The following PCDH11Y variants were observed in gnomAD, a reference collection of about 807,000 sequenced individuals.
PCDH11Y encodes the protein protocadherin-11 Y-linked.
For missense variants in PCDH11Y, 12 were observed against 224.8 expected (o/e 0.05, Z 6.05); for synonymous variants, 9 against 83.6 (o/e 0.11, Z 4.87).
intron 2 of PCDH11Y, among the ~76,000 whole-genome samples, chrY:5,386,001 G>A: frequency 3.0e-5 from 1 of 33,480 alleles, no homozygotes. Flanking sequence ...TCCAGGATGT[G>A]TTTCAAACTT....
At chrY:5,025,295 T>C (rs2124620495) in intron 1 of PCDH11Y, among the ~76,000 whole-genome samples, 1 of 33,262 alleles carries the variant, frequency 3.0e-5, no homozygotes, top group South Asian at 6.5e-4. Flanking sequence ...AACATGGATC[T>C]GTATTTCCTT....
At chrY:5,459,730 G>T in intron 2 of PCDH11Y, among the ~76,000 whole-genome samples, 1 of 32,977 alleles carries the variant, frequency 3.0e-5, no homozygotes. Flanking sequence ...TTTTTAATTT[G>T]TATTTGTTTT....
In PCDH11Y at chrY:5,717,126, C is replaced by T; in HGVS notation, c.3353-20146C>T. ...AAATCTAAGACCTCAAACTGTGAAA[C>T]CATTAAAAGAAAAGTATTAAAAGGA... On this transcript the variant is annotated intron_variant, in intron 4 of 4. Transcript: ENST00000400457. Among the ~76,000 whole-genome samples, 4 of 33,107 alleles carry T rather than the reference C, an allele frequency of 1.2e-4. No individual in the cohort carries two copies. The South Asian group carries it at 2.7e-3, about 22-fold the overall frequency. The allele number at this position is 33,107 out of a possible 37,273, so 88.8% of individuals were successfully genotyped here. A position where few individuals can be genotyped will look rare whatever the true frequency, so the allele number is the denominator to read the frequency against.
rs1602946584 is a variant in PCDH11Y at position 5,585,060 on chromosome Y, G to A, written c.3352+3262G>A. On this transcript the variant is annotated intron_variant, in intron 4 of 4. Transcript: ENST00000400457. ...TGCTGCAGTGAACATATGCATGCAT[G>A]TGTCTTTATAATAGAATGATTAATA... Among the ~76,000 whole-genome samples, 185 of 32,338 alleles carry A rather than the reference G, an allele frequency of 5.7e-3. No homozygotes were observed. The Middle Eastern group carries it at 0.21, about 36-fold the overall frequency. 86.8% of individuals were successfully genotyped at this position (32,338 alleles called of 37,273 possible).
intron 3 of PCDH11Y, among the ~76,000 whole-genome samples, chrY:5,038,184 G>A: frequency 3.0e-5 from 1 of 32,858 alleles, no homozygotes; most frequent in Admixed American, 2.8e-4. Context: ...TGGATTAAGA[G>A]TGAAAGGGTA....
At chrY:5,509,932 C>A in intron 3 of PCDH11Y, among the ~76,000 whole-genome samples, 1 of 30,155 alleles carries the variant, frequency 3.3e-5, no homozygotes, top group South Asian at 8.1e-4. Flanking sequence ...GGGTGGATCA[C>A]CTGAGATCAG....
At chrY:5,049,198 A>T in intron 3 of PCDH11Y, among the ~76,000 whole-genome samples, 1 of 32,700 alleles carries the variant, frequency 3.1e-5, no homozygotes, top group Non-Finnish European at 7.4e-5. Flanking sequence ...TCACGTGGTT[A>T]TAGGTGTGTG....
chrY:5,256,237 A>G (rs2053010925), intron 2 of PCDH11Y, among the ~76,000 whole-genome samples: 1 of 32,787 alleles, frequency 3.0e-5, no homozygotes, highest in East Asian at 8.1e-4. Flanking sequence ...AGAGACAGGG[A>G]TCTAGTTTCA....
chrY:5,109,717 G>C, downstream of PCDH11Y, among the ~76,000 whole-genome samples: 2 of 32,864 alleles, frequency 6.1e-5, no homozygotes, highest in Non-Finnish European at 1.5e-4. Flanking sequence ...TGATGAAAAA[G>C]CTTTTATACT....
At chrY:5,445,963 T>C in intron 2 of PCDH11Y, among the ~76,000 whole-genome samples, 3 of 33,234 alleles carry the variant, frequency 9.0e-5, no homozygotes, top group African/African-American at 2.3e-4. Context: ...CTCCTATCCC[T>C]TATCACCAGG....
At chrY:5,240,285 A>G in intron 2 of PCDH11Y, among the ~76,000 whole-genome samples, 1 of 33,400 alleles carries the variant, frequency 3.0e-5, no homozygotes, top group African/African-American at 1.2e-4. Flanking sequence ...GCTTCCTTCA[A>G]TGAAGTCTTG....
intron 2 of PCDH11Y, among the ~76,000 whole-genome samples, chrY:5,163,620 T>A: frequency 3.1e-5 from 1 of 32,051 alleles, no homozygotes; most frequent in Non-Finnish European, 7.6e-5. Context: ...TGATAATGAG[T>A]GAGTTCTCAT....
chrY:5,110,071 T>C, downstream of PCDH11Y, among the ~76,000 whole-genome samples: 1 of 33,740 alleles, frequency 3.0e-5, no homozygotes, highest in Non-Finnish European at 7.3e-5. Context: ...GAACCTTATA[T>C]GTACCAATTA....
At chrY:5,118,061 A>G (rs397833792) in intron 2 of PCDH11Y, among the ~76,000 whole-genome samples, 9 of 32,341 alleles carry the variant, frequency 2.8e-4, no homozygotes, top group Non-Finnish European at 6.7e-4. Flanking sequence ...TATTATGTAC[A>G]TGTATGTAAT....
intron 2 of PCDH11Y, among the ~76,000 whole-genome samples, chrY:5,397,157 G>A: frequency 6.0e-5 from 2 of 33,385 alleles, no homozygotes; most frequent in African/African-American, 2.3e-4. Flanking sequence ...AACATGGTAC[G>A]CCTTTTCATT....
chrY:5,410,912 C>T, intron 2 of PCDH11Y, among the ~76,000 whole-genome samples: 1 of 32,005 alleles, frequency 3.1e-5, no homozygotes, highest in Admixed American at 2.9e-4. Context: ...ATATGTACCA[C>T]ATTGTTTTAA....
chrY:5,267,880 A>G, intron 2 of PCDH11Y, among the ~76,000 whole-genome samples: 1 of 34,317 alleles, frequency 2.9e-5, no homozygotes, highest in Non-Finnish European at 7.3e-5. Flanking sequence ...TGTCAGTTCA[A>G]TGAAGTAGTG....
chrY:5,584,585 C>CT lies in PCDH11Y; in HGVS notation c.3352+2798dup, dbSNP rs71234799. On this transcript the variant is annotated intron_variant, in intron 4 of 4. Coordinates refer to the PCDH11Y transcript ENST00000400457. ...TTTTCTGCTGGAAGATATATTTTTT[C>CT]TTTTTTTTTTTAACTTTTAAGTTCA... Among the ~76,000 whole-genome samples, 9 of 28,058 alleles carry CT rather than the reference C, an allele frequency of 3.2e-4. No individual in the cohort carries two copies. In the South Asian group the frequency reaches 4.9e-3, roughly 15 times the overall value. 75.3% of individuals were successfully genotyped at this position (28,058 alleles called of 37,273 possible). A position where few individuals can be genotyped will look rare whatever the true frequency, so the allele number is the denominator to read the frequency against.
chrY:5,592,171 C>A, intron 4 of PCDH11Y, among the ~76,000 whole-genome samples: 1 of 32,305 alleles, frequency 3.1e-5, no homozygotes, highest in African/African-American at 1.2e-4. Context: ...CTTTGATGAT[C>A]TCTAAGAACT....
Sources: allele counts gnomAD v4.1 joint callset (sites outside exome capture counted in the v4.1 genomes callset), GRCh38; gene constraint gnomAD v4.1.1; transcripts MANE v1.5; gene names NCBI Gene and HGNC (gene_info 2026-07-23, HGNC 2026-07-21).